The following FMNL2 variants were observed in gnomAD, a reference collection of about 807,000 sequenced individuals.
FMNL2 encodes the protein formin-like protein 2.
A neutral mutation model predicts 130.2 loss-of-function variants in FMNL2; 51 were observed. That is an observed-to-expected ratio of 0.39 (90% CI 0.31 to 0.49). The LOEUF (loss-of-function observed/expected upper bound fraction) is 0.49. Ranked by LOEUF, FMNL2 falls within the 20% of genes least tolerant of loss-of-function variation. FMNL2 has a pLI of 0.85. For synonymous variants in FMNL2, 465 were observed against 467.1 expected (o/e 1.00, Z 0.06); for missense variants, 977 against 1,316.2 (o/e 0.74, Z 3.99).
At chr2:152,464,083 C>T (rs535602001) in intron 1 of FMNL2, among the ~76,000 whole-genome samples, 1 of 152,252 alleles carries the variant, frequency 6.6e-6, no homozygotes, top group South Asian at 2.1e-4. Context: ...CAGGCATATG[C>T]AACGATGCCT....
At chr2:152,342,984 T>G (rs771119543) in intron 1 of FMNL2, among the ~76,000 whole-genome samples, 3 of 152,198 alleles carry the variant, frequency 2.0e-5, no homozygotes, top group Non-Finnish European at 4.4e-5. Context: ...TATCACAAAC[T>G]CTCTATGATT....
chr2:152,470,649 A>G (rs1162593980), intron 1 of FMNL2, among the ~76,000 whole-genome samples: 1 of 152,226 alleles, frequency 6.6e-6, no homozygotes, highest in Non-Finnish European at 1.5e-5. Context: ...AAAGATTGAC[A>G]ATATAGCCTT....
chr2:152,422,652 C>T (rs1452015159), intron 1 of FMNL2, among the ~76,000 whole-genome samples: 1 of 152,104 alleles, frequency 6.6e-6, no homozygotes, highest in East Asian at 1.9e-4. Flanking sequence ...TCTCAGCCTC[C>T]CCAGGAGCTG....
chr2:152,343,639 T>A (rs977773143), intron 1 of FMNL2, among the ~76,000 whole-genome samples: 5 of 152,174 alleles, frequency 3.3e-5, no homozygotes, highest in African/African-American at 1.2e-4. Flanking sequence ...GCTGGGACAC[T>A]AACGTGTGAC....
At chr2:152,486,089 A>G (rs1276788655) in intron 1 of FMNL2, among the ~76,000 whole-genome samples, 2 of 152,200 alleles carry the variant, frequency 1.3e-5, no homozygotes, top group African/African-American at 4.8e-5. Flanking sequence ...GGATCATGCT[A>G]GTCCCCATGG....
chr2:152,574,766 C>T (rs1389817260), intron 6 of FMNL2, among the ~76,000 whole-genome samples: 1 of 152,050 alleles, frequency 6.6e-6, no homozygotes, highest in Non-Finnish European at 1.5e-5. Flanking sequence ...CAAGTGATTC[C>T]ATTAAAGAAA....
intron 9 of FMNL2, among the ~76,000 whole-genome samples, chr2:152,606,210 C>G (rs72871104): frequency 0.03 from 4,602 of 152,264 alleles, 101 homozygotes; most frequent in Middle Eastern, 0.075. Flanking sequence ...CAAATGGAAT[C>G]AGAAAATTTG....
intron 9 of FMNL2, among the ~76,000 whole-genome samples, chr2:152,594,543 C>T (rs534151465): frequency 4.7e-4 from 71 of 152,222 alleles, no homozygotes; most frequent in Admixed American, 8.5e-4. Context: ...TGTCTAAGGA[C>T]GTCGCTGTTT....
intron 1 of FMNL2, among the ~76,000 whole-genome samples, chr2:152,447,421 T>G (rs1272701492): frequency 6.6e-6 from 1 of 152,200 alleles, no homozygotes; most frequent in Non-Finnish European, 1.5e-5. Flanking sequence ...ATTTTTGATT[T>G]AGAAAATAAT....
intron 9 of FMNL2, among the ~76,000 whole-genome samples, chr2:152,585,699 C>T (rs550469404): frequency 1.3e-4 from 20 of 152,290 alleles, no homozygotes; most frequent in Non-Finnish European, 2.4e-4. Flanking sequence ...AGCTAGCAAT[C>T]TGCTGGCTCA....
intron 1 of FMNL2, among the ~76,000 whole-genome samples, chr2:152,437,896 C>T (rs1687848311): frequency 1.3e-5 from 2 of 152,206 alleles, no homozygotes; most frequent in African/African-American, 2.4e-5. Context: ...TACTGTATCA[C>T]TCACATCTGT....
intron 9 of FMNL2, among the ~76,000 whole-genome samples, chr2:152,603,874 T>A (rs1412268788): frequency 6.6e-6 from 1 of 151,020 alleles, no homozygotes; most frequent in Admixed American, 6.6e-5. Flanking sequence ...ATCTAGTTAA[T>A]CAGTTTATAA....
In FMNL2 at chr2:152,648,412, G is replaced by GTGCAAACAGGATGCAACTGCAGTGGCTTT. The variant is rs1683801525; in HGVS notation, c.*533_*534insTTTTGCAAACAGGATGCAACTGCAGTGGC. On this transcript the variant is annotated 3_prime_UTR_variant, in exon 26 of 26. Transcript: ENST00000288670. ...TTGTCTATAACCAGGCCCTGGCAAAGTGCAAACAGGATGCAACTGCAGTGG... is the reference window on the plus strand; with the variant it reads ...TTGTCTATAACCAGGCCCTGGCAAAGTGCAAACAGGATGCAACTGCAGTGGCTTTTGCAAACAGGATGCAACTGCAGTGG... 1.3e-5 allele frequency: 2 copies of GTGCAAACAGGATGCAACTGCAGTGGCTTT among 154,584 alleles called. No homozygotes were observed. The highest frequency in any genetic ancestry group is 4.8e-5 in the African/African-American group (2 of 41,424). The allele number at this position is 154,584 out of a possible 1,614,324, so 9.6% of individuals were successfully genotyped here.
intron 9 of FMNL2, among the ~76,000 whole-genome samples, chr2:152,588,946 T>C (rs1558986947): frequency 6.6e-6 from 1 of 151,150 alleles, no homozygotes; most frequent in South Asian, 2.1e-4. Flanking sequence ...TAGAGCAGGG[T>C]GTGTTTGGGG....
chr2:152,478,258 T>A (rs1485798383), intron 1 of FMNL2, among the ~76,000 whole-genome samples: 13 of 144,098 alleles, frequency 9.0e-5, no homozygotes, highest in African/African-American at 3.3e-4. Flanking sequence ...ATATTTTTTT[T>A]TTTTTTTTTT....
rs952184054 is a variant in FMNL2 at position 152,611,580 on chromosome 2, A to G, written c.1037A>G (p.Lys346Arg). 2 of 1,602,062 alleles carry G rather than the reference A, an allele frequency of 1.2e-6. No individual in the cohort carries two copies. Among genetic ancestry groups the G allele is most frequent in the Non-Finnish European group, 1.7e-6 (2 of 1,172,790 alleles). ...GTTCACCTGCAGTATGAATTTACCAAATTAGGCCTGGACGAATACTTGGAC... is the reference window on the plus strand; with the variant it reads ...GTTCACCTGCAGTATGAATTTACCAGATTAGGCCTGGACGAATACTTGGAC... Reference protein sequence around the residue: ...FRVHLQYEFTKLGLDEYLDKL... With the variant: ...FRVHLQYEFTRLGLDEYLDKL... The change falls in exon 11 of 26, where the codon AAA becomes AGA. Residue 346 changes from lysine (K) to arginine (R), a missense_variant. Coordinates refer to ENST00000288670, the MANE Select transcript of FMNL2 (RefSeq NM_052905.4).
chr2:152,447,670 C>G (rs541864287), intron 1 of FMNL2, among the ~76,000 whole-genome samples: 1 of 152,112 alleles, frequency 6.6e-6, no homozygotes, highest in Non-Finnish European at 1.5e-5. Flanking sequence ...ACCTTCACCC[C>G]CTAGTGCAAT....
chr2:152,500,886 C>T (rs925123748), intron 1 of FMNL2, among the ~76,000 whole-genome samples: 5 of 152,166 alleles, frequency 3.3e-5, no homozygotes, highest in Non-Finnish European at 7.3e-5. Context: ...TCAGTTAGGT[C>T]TCTTAAATTT....
chr2:152,370,882 C>G (rs973038669), intron 1 of FMNL2, among the ~76,000 whole-genome samples: 2 of 152,200 alleles, frequency 1.3e-5, no homozygotes, highest in Non-Finnish European at 2.9e-5. Flanking sequence ...TTGGGTGGTT[C>G]TGCCTTAGGG....
Sources: gnomAD v4.1 joint callset for allele counts (sites outside exome capture counted in the v4.1 genomes callset) on GRCh38, gnomAD v4.1.1 for gene constraint, MANE v1.5 for transcripts, NCBI Gene and HGNC (gene_info 2026-07-23, HGNC 2026-07-21) for gene names.